Variants in TTLL11 observed in about 807,000 individuals in gnomAD.
The protein encoded by TTLL11 is tubulin polyglutamylase TTLL11.
In TTLL11, 42 loss-of-function variants were observed where a neutral mutation model predicts 51.7. The ratio of observed to expected loss-of-function variants is 0.81; its 90% CI spans 0.64 to 1.05. The LOEUF is 1.05. Among genes scored for constraint, TTLL11 ranks in the 50% least tolerant of loss-of-function variants. The pLI is 0.00. For missense variants in TTLL11, 799 were observed against 940.4 expected (o/e 0.85, Z 1.97); for synonymous variants, 381 against 383.5 (o/e 0.99, Z 0.08).
intron 1 of TTLL11, among the ~76,000 whole-genome samples, chr9:122,068,511 T>C (rs533663902): frequency 2.6e-5 from 4 of 152,218 alleles, no homozygotes; most frequent in African/African-American, 4.8e-5. Flanking sequence ...TTATGTACCA[T>C]TGGGACTGTT....
chr9:122,049,763 G>C (rs1330363252), intron 1 of TTLL11, among the ~76,000 whole-genome samples: 1 of 152,094 alleles, frequency 6.6e-6, no homozygotes, highest in East Asian at 1.9e-4. Context: ...AGTCCCCCTG[G>C]GGACTTTGCA....
chr9:121,833,459 C>T (rs1302543566), intron 8 of TTLL11, among the ~76,000 whole-genome samples: 4 of 152,212 alleles, frequency 2.6e-5, no homozygotes, highest in African/African-American at 4.8e-5. Context: ...ATCATCTCTT[C>T]ACCAGCTTAA....
At chr9:121,940,629 T>C (rs1460384484) in intron 6 of TTLL11, among the ~76,000 whole-genome samples, 1 of 152,016 alleles carries the variant, frequency 6.6e-6, no homozygotes, top group Non-Finnish European at 1.5e-5. Context: ...TGAGCCACCA[T>C]GCCCAGCCGA....
At chr9:122,005,175 C>A (rs1187150894) in intron 3 of TTLL11, among the ~76,000 whole-genome samples, 3 of 152,160 alleles carry the variant, frequency 2.0e-5, no homozygotes, top group Non-Finnish European at 1.5e-5. Context: ...TGAAGATGAT[C>A]AAGTACAGGC....
intron 1 of TTLL11, among the ~76,000 whole-genome samples, chr9:122,046,188 G>A (rs1263620819): frequency 6.6e-6 from 1 of 152,124 alleles, no homozygotes; most frequent in Non-Finnish European, 1.5e-5. Flanking sequence ...CTGGTGAGAG[G>A]TGATTGGATC....
intron 6 of TTLL11, among the ~76,000 whole-genome samples, chr9:121,942,067 A>G (rs928569420): frequency 6.6e-6 from 1 of 152,156 alleles, no homozygotes; most frequent in African/African-American, 2.4e-5. Flanking sequence ...AAAGCAGCTC[A>G]TGTCAACTTA....
At chr9:121,944,228 C>T (rs1841587297) in intron 6 of TTLL11, among the ~76,000 whole-genome samples, 1 of 152,156 alleles carries the variant, frequency 6.6e-6, no homozygotes, top group African/African-American at 2.4e-5. Context: ...GAGTTCCGGG[C>T]CTGGTGCGGT....
chr9:121,992,303 A>C (rs1843139393), intron 3 of TTLL11, among the ~76,000 whole-genome samples: 1 of 152,168 alleles, frequency 6.6e-6, no homozygotes. Flanking sequence ...ATTCATATTC[A>C]CTCTCCTCTG....
chr9:121,966,335 C>G (rs1383759744), intron 6 of TTLL11, among the ~76,000 whole-genome samples: 2 of 152,152 alleles, frequency 1.3e-5, no homozygotes, highest in Non-Finnish European at 2.9e-5. Context: ...AATAAAACCC[C>G]CTCCGATTTC....
intron 8 of TTLL11, among the ~76,000 whole-genome samples, chr9:121,843,955 G>A (rs1288890072): frequency 6.6e-6 from 1 of 152,188 alleles, no homozygotes; most frequent in Non-Finnish European, 1.5e-5. Context: ...ATTACTTGGT[G>A]TAAGCCATCA....
chr9:121,999,276 G>C (rs1370114300), intron 3 of TTLL11, among the ~76,000 whole-genome samples: 1 of 152,192 alleles, frequency 6.6e-6, no homozygotes, highest in Non-Finnish European at 1.5e-5. Context: ...CCCAAAAGCA[G>C]ATAACTCCCC....
intron 6 of TTLL11, among the ~76,000 whole-genome samples, chr9:121,920,765 A>G (rs1840508822): frequency 6.6e-6 from 1 of 152,188 alleles, no homozygotes; most frequent in Admixed American, 6.5e-5. Context: ...CCCTGAGTTT[A>G]TACCACCAAA....
chr9:121,859,329 GAA>G (rs5900501), intron 8 of TTLL11, among the ~76,000 whole-genome samples: 7,950 of 142,288 alleles, frequency 0.056, 681 homozygotes, highest in African/African-American at 0.19. Flanking sequence ...TGTCTCTACT[GAA>G]AAAAAAAAAA....
intron 6 of TTLL11, among the ~76,000 whole-genome samples, chr9:121,905,896 T>C (rs1270381432): frequency 6.6e-6 from 1 of 152,170 alleles, no homozygotes; most frequent in African/African-American, 2.4e-5. Flanking sequence ...AGGCCCTTGA[T>C]ATACAATCTG....
intron 8 of TTLL11, among the ~76,000 whole-genome samples, chr9:121,842,348 C>T (rs1463347070): frequency 6.6e-6 from 1 of 152,144 alleles, no homozygotes; most frequent in Non-Finnish European, 1.5e-5. Flanking sequence ...GCTTCAAGTT[C>T]CTGGGCTCAA....
intron 8 of TTLL11, among the ~76,000 whole-genome samples, chr9:121,852,884 G>A (rs1001952628): frequency 3.3e-5 from 5 of 152,328 alleles, no homozygotes; most frequent in East Asian, 1.9e-4. Context: ...AACATCGTTC[G>A]TGCCAGACAC....
intron 6 of TTLL11, among the ~76,000 whole-genome samples, chr9:121,948,548 G>A (rs181528292): frequency 1.5e-4 from 23 of 152,240 alleles, no homozygotes; most frequent in African/African-American, 4.6e-4. Flanking sequence ...CCATACGCCC[G>A]GCACAGGACT....
chr9:121,855,800 A>G (rs572339361), intron 8 of TTLL11, among the ~76,000 whole-genome samples: 1 of 152,330 alleles, frequency 6.6e-6, no homozygotes, highest in Admixed American at 6.5e-5. Flanking sequence ...GATGCTTTGC[A>G]TGTTCCAGGC....
chr9:121,957,045 T>C (rs1306659097), intron 6 of TTLL11, among the ~76,000 whole-genome samples: 1 of 152,112 alleles, frequency 6.6e-6, no homozygotes, highest in East Asian at 1.9e-4. Context: ...CGCTGTGCCC[T>C]CCCCACTGCA....
Sources: allele counts gnomAD v4.1 joint callset (sites outside exome capture counted in the v4.1 genomes callset), GRCh38; gene constraint gnomAD v4.1.1; transcripts MANE v1.5; gene names NCBI Gene and HGNC (gene_info 2026-07-23, HGNC 2026-07-21).